CLASP2: variants seen among roughly 807,000 people sequenced by gnomAD.
CLASP2 encodes the protein cytoplasmic linker associated protein 2.
CLASP2 carries 47 observed loss-of-function variants against 194.4 expected under a neutral mutation model. That is an observed-to-expected ratio of 0.24 (90% CI 0.19 to 0.31). CLASP2 has a LOEUF of 0.31. Ranked by LOEUF, CLASP2 falls within the 10% of genes least tolerant of loss-of-function variation. The pLI, the probability that CLASP2 is intolerant of heterozygous loss-of-function variation, is 1.00. For synonymous variants in CLASP2, 619 were observed against 633.5 expected, an observed-to-expected ratio of 0.98 and a Z score of 0.34; for missense variants, 1,445 against 1,823.6, an observed-to-expected ratio of 0.79 and a Z score of 3.78.
chr3:33,717,793 G>A lies in CLASP2; in HGVS notation c.195+15C>T. ...CGGAGGGCGTGACCAGCCCAGCCTCGCCGCCGTCGCTTACCCGGTAGTTGC... is the reference window on the plus strand; with the variant it reads ...CGGAGGGCGTGACCAGCCCAGCCTCACCGCCGTCGCTTACCCGGTAGTTGC... On this transcript the variant is annotated intron_variant, in intron 1 of 38. Transcript: ENST00000682230. 2 of 1,550,196 alleles carry A rather than the reference G, an allele frequency of 1.3e-6. No individual in the cohort carries two copies. The highest frequency in any genetic ancestry group is 1.7e-4 in the Middle Eastern group (1 of 5,932).
chr3:33,645,010 A>C lies in CLASP2; in HGVS notation c.716-107T>G, dbSNP rs944456247. 22 of 1,185,102 alleles carry C rather than the reference A, an allele frequency of 1.9e-5. No individual in the cohort carries two copies. The East Asian group carries it at 2.3e-4, about 12-fold the overall frequency. 73.4% of individuals were successfully genotyped at this position (1,185,102 alleles called of 1,614,324 possible). On this transcript the variant is annotated intron_variant, in intron 7 of 38. Coordinates refer to ENST00000682230, the MANE Select transcript of CLASP2 (RefSeq NM_001365631.1). Reference sequence around the variant, plus strand: ...CATATATAAAATCATTACTTTGGTAAGATATATAATACGAAATAAAGGTCC... The same window carrying C: ...CATATATAAAATCATTACTTTGGTACGATATATAATACGAAATAAAGGTCC...
At chr3:33,648,392 AAG>A (rs927526778) in intron 7 of CLASP2, among the ~76,000 whole-genome samples, 23 of 144,814 alleles carry the variant, frequency 1.6e-4, no homozygotes, top group African/African-American at 5.4e-4. Context: ...ACTGGAGATA[AAG>A]AGAGATGTTT....
At chr3:33,527,145 A>G (rs1258393362) in intron 34 of CLASP2, among the ~76,000 whole-genome samples, 1 of 152,198 alleles carries the variant, frequency 6.6e-6, no homozygotes, top group Non-Finnish European at 1.5e-5. Context: ...AAAGAAATTG[A>G]GACACAAAAC....
intron 33 of CLASP2, among the ~76,000 whole-genome samples, chr3:33,537,133 A>C (rs1372818105): frequency 6.6e-6 from 1 of 151,904 alleles, no homozygotes; most frequent in Admixed American, 6.6e-5. Flanking sequence ...CGGGATTTGA[A>C]CTCATTTCCC....
At chr3:33,691,934 C>T (rs1319091500) in intron 2 of CLASP2, among the ~76,000 whole-genome samples, 2 of 152,104 alleles carry the variant, frequency 1.3e-5, no homozygotes, top group Non-Finnish European at 2.9e-5. Context: ...CTTTGGGAGG[C>T]CAAGGCAAGT....
intron 1 of CLASP2, among the ~76,000 whole-genome samples, chr3:33,705,668 T>A (rs1197651985): frequency 6.6e-6 from 1 of 152,162 alleles, no homozygotes; most frequent in African/African-American, 2.4e-5. Context: ...TACTTAGGAA[T>A]CTATCCCCAA....
intron 29 of CLASP2, chr3:33,558,510 A>T (rs973465360): frequency 3.5e-5 from 5 of 142,632 alleles, no homozygotes; most frequent in African/African-American, 5.1e-5. Flanking sequence ...AAAACTCACT[A>T]AAAAAAAAAA....
rs1452318930 is a variant in CLASP2 at position 33,497,342 on chromosome 3, A to G, written c.*1289T>C. On this transcript the variant is annotated 3_prime_UTR_variant, in exon 39 of 39. Coordinates refer to ENST00000682230, the MANE Select transcript of CLASP2 (RefSeq NM_001365631.1). ...TTAGGATTAAAAAAAAGTAAAGATGAGAAATCATTAGTATCCTGGTTCCAA... is the reference window on the plus strand; with the variant it reads ...TTAGGATTAAAAAAAAGTAAAGATGGGAAATCATTAGTATCCTGGTTCCAA... 1 of 152,646 alleles carries G rather than the reference A, an allele frequency of 6.6e-6. No individual in the cohort carries two copies. The highest frequency in any genetic ancestry group is 1.5e-5 in the Non-Finnish European group (1 of 68,036). 9.5% of individuals were successfully genotyped at this position (152,646 alleles called of 1,614,324 possible). A position where few individuals can be genotyped will look rare whatever the true frequency, so the allele number is the denominator to read the frequency against.
intron 30 of CLASP2, among the ~76,000 whole-genome samples, chr3:33,547,902 C>T (rs2059405428): frequency 6.6e-6 from 1 of 151,380 alleles, no homozygotes; most frequent in Non-Finnish European, 1.5e-5. Context: ...GATCCTCCTA[C>T]CTCAGCCTCC....
intron 34 of CLASP2, among the ~76,000 whole-genome samples, chr3:33,522,022 C>CTT (rs1359752733): frequency 6.7e-6 from 1 of 149,694 alleles, no homozygotes; most frequent in Non-Finnish European, 1.5e-5. Flanking sequence ...TTGACTGCTG[C>CTT]TTTTTTTTTT....
chr3:33,633,742 G>T (rs2079559137), intron 8 of CLASP2, among the ~76,000 whole-genome samples: 1 of 151,962 alleles, frequency 6.6e-6, no homozygotes, highest in Admixed American at 6.6e-5. Context: ...TCTGAATTGG[G>T]TAATACAAGA....
chr3:33,699,893 T>C (rs945213547), intron 1 of CLASP2, among the ~76,000 whole-genome samples: 2 of 141,628 alleles, frequency 1.4e-5, no homozygotes, highest in Non-Finnish European at 3.1e-5. Context: ...AAAAAAAGAA[T>C]GCTGTCGCTT....
At chr3:33,548,474 T>A (rs1349988626) in intron 30 of CLASP2, among the ~76,000 whole-genome samples, 1 of 151,918 alleles carries the variant, frequency 6.6e-6, no homozygotes, top group Non-Finnish European at 1.5e-5. Flanking sequence ...ATTTTTCATA[T>A]TTTTAGTAGA....
rs1293114918 is a variant in CLASP2 at position 33,675,674 on chromosome 3, A to G, written c.644+8685T>C. The stretch of plus-strand genomic sequence containing the variant: ...CCCTGTTTGCAGATGACATGATTGT[A>G]TATCTAGAAAACCCCATTGTCTCAG... On this transcript the variant is annotated intron_variant, in intron 6 of 38. Coordinates refer to ENST00000682230, the MANE Select transcript of CLASP2 (RefSeq NM_001365631.1). Among the ~76,000 whole-genome samples the G allele has an allele frequency of 2.7e-5, 4 of 148,716 alleles. No individual in the cohort carries two copies. The South Asian group carries it at 6.5e-4, about 24-fold the overall frequency.
intron 1 of CLASP2, among the ~76,000 whole-genome samples, chr3:33,699,523 T>C (rs899451323): frequency 1.1e-4 from 16 of 152,050 alleles, no homozygotes; most frequent in African/African-American, 3.9e-4. Context: ...CCAAAAAGTA[T>C]GAGAGTAAGG....
intron 27 of CLASP2, 132 bp from the exon 28 acceptor site, chr3:33,561,103 A>C: frequency 1.4e-6 from 1 of 732,590 alleles, no homozygotes; most frequent in Non-Finnish European, 2.2e-6. Context: ...CGGAAAAACA[A>C]TCTCTCTTGC....
chr3:33,690,580 A>T (rs2091234815), intron 2 of CLASP2, among the ~76,000 whole-genome samples: 1 of 152,206 alleles, frequency 6.6e-6, no homozygotes, highest in Non-Finnish European at 1.5e-5. Flanking sequence ...ACAGCTATAC[A>T]GTAGTCCCCC....
chr3:33,632,905 C>G (rs1463119676), intron 8 of CLASP2, among the ~76,000 whole-genome samples: 1 of 152,174 alleles, frequency 6.6e-6, no homozygotes, highest in African/African-American at 2.4e-5. Flanking sequence ...TCTTTCAGTT[C>G]TAAACCTACT....
intron 3 of CLASP2, among the ~76,000 whole-genome samples, chr3:33,689,005 T>C (rs1029310481): frequency 6.6e-6 from 1 of 152,024 alleles, no homozygotes; most frequent in Non-Finnish European, 1.5e-5. Flanking sequence ...TACCAATCAA[T>C]CCTTTCTCCA....
Sources: gnomAD v4.1 joint callset for allele counts (sites outside exome capture counted in the v4.1 genomes callset) on GRCh38, gnomAD v4.1.1 for gene constraint, MANE v1.5 for transcripts, NCBI Gene and HGNC (gene_info 2026-07-23, HGNC 2026-07-21) for gene names.